TMEM132B: variants seen among roughly 807,000 people sequenced by gnomAD.
TMEM132B encodes transmembrane protein 132B.
TMEM132B carries 18 observed loss-of-function variants against 90.8 expected under a neutral mutation model. That is an observed-to-expected ratio of 0.20 (90% CI 0.14 to 0.29). The LOEUF (loss-of-function observed/expected upper bound fraction) is 0.29. Ranked by LOEUF, TMEM132B falls within the 10% of genes least tolerant of loss-of-function variation. The probability of loss-of-function intolerance (pLI) is 1.00; values close to 1 mark genes in which losing one functional copy is unlikely to be tolerated. For synonymous variants in TMEM132B, 504 were observed against 523.3 expected, an observed-to-expected ratio of 0.96 and a Z score of 0.50; for missense variants, 1,096 against 1,326.8, an observed-to-expected ratio of 0.83 and a Z score of 2.70.
chr12:125,430,436 A>C (rs1216536455), intron 3 of TMEM132B, among the ~76,000 whole-genome samples: 1 of 152,206 alleles, frequency 6.6e-6, no homozygotes, highest in Non-Finnish European at 1.5e-5. Context: ...AACCCGGTCT[A>C]GGGAAATGCT....
intron 2 of TMEM132B, among the ~76,000 whole-genome samples, chr12:125,385,809 T>A (rs1878813546): frequency 6.6e-6 from 1 of 152,202 alleles, no homozygotes; most frequent in South Asian, 2.1e-4. Context: ...ATTAATTTAT[T>A]AGTTCAACAA....
chr12:125,434,825 C>T (rs531752391), intron 3 of TMEM132B, among the ~76,000 whole-genome samples: 77 of 145,674 alleles, frequency 5.3e-4, no homozygotes, highest in Admixed American at 3.4e-3. Context: ...ATTGTAAACC[C>T]CTGAAGTGGT....
chr12:125,485,305 C>T (rs1162543067), intron 3 of TMEM132B, among the ~76,000 whole-genome samples: 2 of 152,160 alleles, frequency 1.3e-5, no homozygotes, highest in Non-Finnish European at 2.9e-5. Flanking sequence ...AAATGAGTCC[C>T]ATTTGCATGT....
At chr12:125,542,040 A>C (rs1592983667) in intron 4 of TMEM132B, among the ~76,000 whole-genome samples, 1 of 150,604 alleles carries the variant, frequency 6.6e-6, no homozygotes, top group Non-Finnish European at 1.5e-5. Flanking sequence ...AAAAAAAAAA[A>C]AAAAAAAAAA....
chr12:125,291,635 T>C (rs969103925), intron 1 of TMEM132B, among the ~76,000 whole-genome samples: 5 of 152,190 alleles, frequency 3.3e-5, no homozygotes, highest in African/African-American at 9.7e-5. Flanking sequence ...AAGAGGATCC[T>C]GAGCTCCAGA....
At chr12:125,453,076 AACACACACACACACACACACACAC>A (rs60350192) in intron 3 of TMEM132B, among the ~76,000 whole-genome samples, 1 of 143,700 alleles carries the variant, frequency 7.0e-6, no homozygotes, top group Non-Finnish European at 1.5e-5. Flanking sequence ...ATTTCAGTAA[AACACACACACACACACACACACAC>A]ACACACACAC....
intron 2 of TMEM132B, among the ~76,000 whole-genome samples, chr12:125,397,959 G>A (rs965552848): frequency 6.6e-6 from 1 of 152,180 alleles, no homozygotes; most frequent in Non-Finnish European, 1.5e-5. Context: ...CTGTTTACAT[G>A]CACTGAGAAA....
rs549446506 is a variant in TMEM132B, at chr12:125,455,636, G to A, written c.1106+39959G>A. Among the ~76,000 whole-genome samples the A allele has an allele frequency of 5.3e-5, 8 of 151,320 alleles. No individual in the cohort carries two copies. In the South Asian group the frequency reaches 6.3e-4, roughly 12 times the overall value. On this transcript the variant is annotated intron_variant, in intron 3 of 8. Transcript: ENST00000682704. Reference sequence around the variant, plus strand: ...TTGGACCAGATCATTTCTACACGTCGTTGTCCAGGGATGGATTATCTTCAA... The same window carrying A: ...TTGGACCAGATCATTTCTACACGTCATTGTCCAGGGATGGATTATCTTCAA...
chr12:125,637,473 A>G (rs1304481922), intron 5 of TMEM132B, among the ~76,000 whole-genome samples: 1 of 152,218 alleles, frequency 6.6e-6, no homozygotes, highest in Non-Finnish European at 1.5e-5. Flanking sequence ...GTGGTAGGGC[A>G]CAGCTTGGTT....
At position 125,653,579 on chromosome 12, in the gene TMEM132B, T is replaced by A. The variant is rs771643664; in HGVS notation, c.2121T>A (p.Ser707Arg). 5.6e-6 allele frequency: 9 copies of A among 1,605,122 alleles called. No individual in the cohort carries two copies. The highest frequency in any genetic ancestry group is 6.8e-6 in the Non-Finnish European group (8 of 1,172,648). Residue 707 changes from serine to arginine, a missense_variant, in exon 9 of 9, where the codon AGT becomes AGA. By Grantham distance (110) the Ser-to-Arg change is moderately radical. Coordinates refer to ENST00000682704, the MANE Select transcript of TMEM132B (RefSeq NM_001366854.1). ...ATTTTCCTCAGGAAGCAATAGTAAG[T>A]TCTTGGATTTTGTTCAGTGATGGTT... ...LQSPQQEAIV[S>R]SWILFSDGSV... is the part of the protein sequence containing the mutation.
At chr12:125,412,490 G>A (rs1879877867) in intron 2 of TMEM132B, among the ~76,000 whole-genome samples, 1 of 152,206 alleles carries the variant, frequency 6.6e-6, no homozygotes, top group Non-Finnish European at 1.5e-5. Context: ...AAGGAGTGGG[G>A]TTTGGAGTGA....
intron 1 of TMEM132B, among the ~76,000 whole-genome samples, chr12:125,348,752 G>T (rs1566009329): frequency 6.6e-6 from 1 of 152,216 alleles, no homozygotes. Flanking sequence ...ACTTGGTGAA[G>T]GTTGCTCAGT....
chr12:125,494,119 C>G (rs1882443337), intron 3 of TMEM132B, among the ~76,000 whole-genome samples: 4 of 142,172 alleles, frequency 2.8e-5, no homozygotes, highest in Admixed American at 6.9e-5. Context: ...CCTCCTCCCC[C>G]TCCTCCCTGG....
At chr12:125,558,534 C>G (rs896357699) in intron 4 of TMEM132B, among the ~76,000 whole-genome samples, 1 of 152,128 alleles carries the variant, frequency 6.6e-6, no homozygotes, top group African/African-American at 2.4e-5. Flanking sequence ...AGTGAAAATG[C>G]AAGATACACA....
chr12:125,313,549 CT>C (rs1876172084), intron 1 of TMEM132B, among the ~76,000 whole-genome samples: 1 of 98,408 alleles, frequency 1.0e-5, no homozygotes, highest in South Asian at 5.6e-4. Context: ...TCCCCCTCCC[CT>C]CCCGTTTCCC....
At chr12:125,386,845 A>G (rs1878849643) in intron 2 of TMEM132B, among the ~76,000 whole-genome samples, 1 of 152,248 alleles carries the variant, frequency 6.6e-6, no homozygotes, top group Non-Finnish European at 1.5e-5. Flanking sequence ...TGTCTCACAA[A>G]GAAGTGTGAT....
chr12:125,491,675 T>C (rs1882355766), intron 3 of TMEM132B, among the ~76,000 whole-genome samples: 1 of 152,228 alleles, frequency 6.6e-6, no homozygotes, highest in African/African-American at 2.4e-5. Context: ...CTGCTATGAT[T>C]TGCCGCTGGC....
chr12:125,279,206 AGGCCATT>A (rs1444123673), intron 1 of TMEM132B, among the ~76,000 whole-genome samples: 1 of 152,204 alleles, frequency 6.6e-6, no homozygotes, highest in Non-Finnish European at 1.5e-5. Flanking sequence ...AGTCTATACA[AGGCCATT>A]GCCAGGTAGG....
chr12:125,481,369 C>T (rs1258916645), intron 3 of TMEM132B, among the ~76,000 whole-genome samples: 1 of 152,202 alleles, frequency 6.6e-6, no homozygotes, highest in African/African-American at 2.4e-5. Flanking sequence ...ATCATCTCAG[C>T]CCAAAATCTC....
Sources: allele counts gnomAD v4.1 joint callset (sites outside exome capture counted in the v4.1 genomes callset), GRCh38; gene constraint gnomAD v4.1.1; transcripts MANE v1.5; gene names NCBI Gene and HGNC (gene_info 2026-07-23, HGNC 2026-07-21).